Variants in NOL4 observed in about 807,000 individuals in gnomAD.
NOL4 encodes nucleolar protein 4.
NOL4 carries 17 observed loss-of-function variants against 75.9 expected under a neutral mutation model. The ratio of observed to expected loss-of-function variants is 0.22; its 90% CI spans 0.15 to 0.34. The LOEUF is 0.34. Among genes scored for constraint, NOL4 ranks in the 10% least tolerant of loss-of-function variants. The probability of loss-of-function intolerance (pLI) is 1.00; values close to 1 mark genes in which losing one functional copy is unlikely to be tolerated. For synonymous variants in NOL4, 292 were observed against 289.9 expected, an observed-to-expected ratio of 1.01 and a Z score of -0.07; for missense variants, 614 against 793.5, an observed-to-expected ratio of 0.77 and a Z score of 2.72.
intron 9 of NOL4, among the ~76,000 whole-genome samples, chr18:33,895,209 A>G (rs1030446809): frequency 1.3e-5 from 2 of 152,118 alleles, no homozygotes; most frequent in Non-Finnish European, 2.9e-5. Flanking sequence ...AAATAAATAC[A>G]GTAGTGATAA....
chr18:33,855,089 T>C (rs1363164373), intron 10 of NOL4, among the ~76,000 whole-genome samples: 3 of 152,092 alleles, frequency 2.0e-5, no homozygotes, highest in African/African-American at 7.2e-5. Flanking sequence ...TTTTTTCAGA[T>C]CTGCAGGATC....
chr18:34,174,668 C>A lies in NOL4; in HGVS notation c.265-44648G>T, dbSNP rs1042743640. On this transcript the variant is annotated intron_variant, in intron 1 of 10. Transcript: ENST00000261592. ...CATTAGGTACTTCTCCTAATGCTAT[C>A]CCTCTGCTAGCCCCCCACCTCCCGA... 3.9e-5 allele frequency among the ~76,000 whole-genome samples: 6 copies of A among 152,162 alleles called. No homozygotes were observed. The East Asian group carries it at 1.2e-3, about 29-fold the overall frequency.
intron 5 of NOL4, among the ~76,000 whole-genome samples, chr18:34,052,115 T>A (rs1029203334): frequency 1.3e-5 from 2 of 152,040 alleles, no homozygotes; most frequent in Non-Finnish European, 2.9e-5. Flanking sequence ...ATCATCTATA[T>A]AATTTAATAT....
chr18:33,999,143 GTTTTT>G (rs543045505), intron 6 of NOL4, among the ~76,000 whole-genome samples: 1 of 133,592 alleles, frequency 7.5e-6, no homozygotes. Flanking sequence ...ATAATGCTGA[GTTTTT>G]TTTTTTTTTT....
intron 1 of NOL4, among the ~76,000 whole-genome samples, chr18:34,166,996 C>T (rs2032432974): frequency 3.0e-5 from 1 of 33,034 alleles, no homozygotes; most frequent in Non-Finnish European, 6.3e-5. Flanking sequence ...CGAGATTGTG[C>T]CACTGCAGTC....
intron 8 of NOL4, among the ~76,000 whole-genome samples, chr18:33,954,962 G>A (rs2069536278): frequency 6.6e-6 from 1 of 152,030 alleles, no homozygotes; most frequent in Non-Finnish European, 1.5e-5. Context: ...AGATCTTAGA[G>A]AATGTGAATG....
intron 9 of NOL4, among the ~76,000 whole-genome samples, chr18:33,932,196 T>C (rs1472173044): frequency 6.6e-6 from 1 of 152,102 alleles, no homozygotes; most frequent in Admixed American, 6.6e-5. Context: ...ATGTATTATT[T>C]ACATTAATAT....
chr18:33,954,132 C>T (rs1189993830), intron 8 of NOL4, among the ~76,000 whole-genome samples: 1 of 152,098 alleles, frequency 6.6e-6, no homozygotes, highest in Non-Finnish European at 1.5e-5. Flanking sequence ...ATTACCTAGG[C>T]ACACTGTCTC....
At chr18:34,000,786 T>C (rs866900469) in intron 6 of NOL4, among the ~76,000 whole-genome samples, 3 of 152,126 alleles carry the variant, frequency 2.0e-5, no homozygotes, top group African/African-American at 7.2e-5. Context: ...TTATCTAAAA[T>C]ACCTCAGTGC....
chr18:33,998,378 T>A (rs2073443069), intron 6 of NOL4, among the ~76,000 whole-genome samples: 1 of 152,126 alleles, frequency 6.6e-6, no homozygotes, highest in South Asian at 2.1e-4. Context: ...CTTTTTTATC[T>A]ATATGAAATC....
intron 9 of NOL4, among the ~76,000 whole-genome samples, chr18:33,917,411 T>C (rs2066786610): frequency 6.6e-6 from 1 of 152,128 alleles, no homozygotes; most frequent in South Asian, 2.1e-4. Flanking sequence ...TAAAGCTTTT[T>C]GAGTAGTGTA....
intron 9 of NOL4, among the ~76,000 whole-genome samples, chr18:33,906,507 G>T (rs2066055756): frequency 6.6e-6 from 1 of 152,130 alleles, no homozygotes; most frequent in East Asian, 1.9e-4. Context: ...TCAGATACAA[G>T]ACTTTAAAAC....
intron 2 of NOL4, among the ~76,000 whole-genome samples, chr18:34,110,279 A>G (rs559859061): frequency 6.6e-6 from 1 of 152,254 alleles, no homozygotes; most frequent in Admixed American, 6.5e-5. Context: ...CATAGATGAA[A>G]AACTCAACAA....
At chr18:33,939,361 T>C (rs2068301776) in intron 9 of NOL4, among the ~76,000 whole-genome samples, 1 of 152,222 alleles carries the variant, frequency 6.6e-6, no homozygotes, top group Non-Finnish European at 1.5e-5. Flanking sequence ...TATAAATTAC[T>C]TTGGGCAGTA....
intron 6 of NOL4, among the ~76,000 whole-genome samples, chr18:33,989,422 C>T (rs952791594): frequency 7.2e-5 from 11 of 151,864 alleles, no homozygotes; most frequent in African/African-American, 2.7e-4. Flanking sequence ...TTGCTAGAAA[C>T]CAAGCCAAGA....
chr18:33,860,495 C>T (rs1006966762), intron 10 of NOL4, among the ~76,000 whole-genome samples: 2 of 152,130 alleles, frequency 1.3e-5, no homozygotes, highest in African/African-American at 2.4e-5. Context: ...CTTCCTGAGA[C>T]TTTGCTGAAG....
At chr18:34,127,061 AT>A (rs2145883321) in intron 2 of NOL4, among the ~76,000 whole-genome samples, 1 of 152,066 alleles carries the variant, frequency 6.6e-6, no homozygotes, top group South Asian at 2.1e-4. Flanking sequence ...GCCTTTACAT[AT>A]TCCTAAAATG....
At chr18:34,194,241 T>C (rs186820691) in intron 1 of NOL4, among the ~76,000 whole-genome samples, 460 of 152,274 alleles carry the variant, frequency 3.0e-3, no homozygotes, top group Non-Finnish European at 4.5e-3. Context: ...CAAAAAAGTA[T>C]GTGAAGCAAT....
intron 1 of NOL4, among the ~76,000 whole-genome samples, chr18:34,200,080 C>T (rs1215788330): frequency 6.6e-6 from 1 of 151,842 alleles, no homozygotes; most frequent in African/African-American, 2.4e-5. Flanking sequence ...TACAGAGTGT[C>T]ATCACAGAAG....
Sources: allele counts gnomAD v4.1 joint callset (sites outside exome capture counted in the v4.1 genomes callset), GRCh38; gene constraint gnomAD v4.1.1; transcripts MANE v1.5; gene names NCBI Gene and HGNC (gene_info 2026-07-23, HGNC 2026-07-21).